The following UNC79 variants were observed in gnomAD, a reference collection of about 807,000 sequenced individuals.
The protein encoded by UNC79 is protein unc-79 homolog.
A neutral mutation model predicts 283.1 loss-of-function variants in UNC79; 37 were observed. The observed-to-expected ratio is 0.13, with a 90% CI of 0.10 to 0.17. The LOEUF (loss-of-function observed/expected upper bound fraction) is 0.17. UNC79 is among the 10% of genes least tolerant of loss of function. The pLI is 1.00. For missense variants in UNC79, 2,272 were observed against 3,211.1 expected (o/e 0.71, Z 7.07); for synonymous variants, 1,107 against 1,200.2 (o/e 0.92, Z 1.61).
intron 32 of UNC79, among the ~76,000 whole-genome samples, chr14:93,640,042 T>TTG (rs1341243563): frequency 6.6e-6 from 1 of 152,226 alleles, no homozygotes; most frequent in East Asian, 1.9e-4. Flanking sequence ...AGTTATTACT[T>TTG]TGTAGAACAT....
At chr14:93,334,955 C>T (rs2053544758) in intron 1 of UNC79, 2 of 152,062 alleles carry the variant, frequency 1.3e-5, no homozygotes, top group African/African-American at 4.8e-5. Context: ...AAGATCAGTC[C>T]CCACTGTTTA....
At chr14:93,606,515 G>T (rs983758303) in intron 26 of UNC79, among the ~76,000 whole-genome samples, 5 of 152,190 alleles carry the variant, frequency 3.3e-5, no homozygotes, top group African/African-American at 1.2e-4. Flanking sequence ...TCGTAAGATT[G>T]TGGAGAATGG....
chr14:93,635,196 A>G (rs1276573807), intron 31 of UNC79, among the ~76,000 whole-genome samples: 1 of 152,188 alleles, frequency 6.6e-6, no homozygotes, highest in African/African-American at 2.4e-5. Flanking sequence ...CTGCCATGAC[A>G]TGTCTATTCT....
intron 4 of UNC79, among the ~76,000 whole-genome samples, chr14:93,479,716 C>A (rs996323183): frequency 6.6e-6 from 1 of 152,138 alleles, no homozygotes; most frequent in Non-Finnish European, 1.5e-5. Flanking sequence ...CTCACTGCAG[C>A]CTCAAACTCC....
chr14:93,598,001 T>C (rs2065196595), intron 24 of UNC79, among the ~76,000 whole-genome samples: 1 of 152,210 alleles, frequency 6.6e-6, no homozygotes. Context: ...TTGTTATTTG[T>C]TGATGCCACT....
intron 47 of UNC79, among the ~76,000 whole-genome samples, chr14:93,704,338 C>T (rs1281340384): frequency 9.9e-5 from 15 of 152,168 alleles, no homozygotes; most frequent in Admixed American, 9.8e-4. Flanking sequence ...AATAAATACA[C>T]ATTTAATTTC....
intron 4 of UNC79, among the ~76,000 whole-genome samples, chr14:93,483,537 T>C (rs1338943938): frequency 6.6e-6 from 1 of 151,784 alleles, no homozygotes; most frequent in Non-Finnish European, 1.5e-5. Context: ...TTTTTTTTAA[T>C]TATACTTTAA....
chr14:93,670,559 T>G (rs1245012164), intron 40 of UNC79, among the ~76,000 whole-genome samples: 1 of 152,232 alleles, frequency 6.6e-6, no homozygotes, highest in Non-Finnish European at 1.5e-5. Context: ...CCATGCCTTC[T>G]CTGGGCATGC....
At chr14:93,445,050 A>G (rs1037089298) in intron 1 of UNC79, among the ~76,000 whole-genome samples, 1 of 152,070 alleles carries the variant, frequency 6.6e-6, no homozygotes, top group East Asian at 1.9e-4. Flanking sequence ...TTTATTCCTA[A>G]GTATTTTTGT....
exon 30 of UNC79, chr14:93,622,098 C>A (rs753100447): frequency 2.5e-6 from 4 of 1,614,170 alleles, no homozygotes; most frequent in Non-Finnish European, 2.5e-6. Flanking sequence ...GAAAAACACT[C>A]TATACTCTCA....
At chr14:93,443,041 TG>T (rs1216752841) in intron 1 of UNC79, among the ~76,000 whole-genome samples, 6 of 152,038 alleles carry the variant, frequency 3.9e-5, no homozygotes, top group African/African-American at 1.4e-4. Flanking sequence ...CTGGCCAACA[TG>T]GCAAAACCCT....
At chr14:93,616,770 G>T (rs561909202) in intron 27 of UNC79, among the ~76,000 whole-genome samples, 1 of 152,082 alleles carries the variant, frequency 6.6e-6, no homozygotes, top group Non-Finnish European at 1.5e-5. Context: ...AGTATTGCCG[G>T]TCGTCTAGGA....
chr14:93,581,644 C>T (rs145932510), intron 19 of UNC79, among the ~76,000 whole-genome samples: 3,297 of 152,018 alleles, frequency 0.022, 51 homozygotes, highest in Non-Finnish European at 0.03. Flanking sequence ...CAGGCATGTG[C>T]CACCACGCCC....
At chr14:93,703,130 A>G (rs1488890140) in intron 47 of UNC79, among the ~76,000 whole-genome samples, 4 of 152,162 alleles carry the variant, frequency 2.6e-5, no homozygotes, top group Admixed American at 2.6e-4. Flanking sequence ...CTCACATGTC[A>G]GCATCACGTG....
intron 6 of UNC79, 152 bp from the exon 7 acceptor site, chr14:93,497,005 C>G: frequency 1.3e-6 from 1 of 784,904 alleles, no homozygotes; most frequent in Non-Finnish European, 2.0e-6. Flanking sequence ...TTGACGTGAT[C>G]TAATCTATGA....
At chr14:93,602,422 C>T (rs767460803) in intron 25 of UNC79, among the ~76,000 whole-genome samples, 13 of 152,114 alleles carry the variant, frequency 8.5e-5, no homozygotes, top group Non-Finnish European at 1.6e-4. Flanking sequence ...AAGTATTTAG[C>T]TTTGTTTTTG....
intron 14 of UNC79, among the ~76,000 whole-genome samples, chr14:93,568,345 T>TAG (rs2063018822): frequency 6.6e-6 from 1 of 152,044 alleles, no homozygotes; most frequent in African/African-American, 2.4e-5. Context: ...CAGACACAAA[T>TAG]AGAGACCTTA....
chr14:93,412,140 C>T (rs1248050885), intron 1 of UNC79, among the ~76,000 whole-genome samples: 1 of 152,094 alleles, frequency 6.6e-6, no homozygotes, highest in Non-Finnish European at 1.5e-5. Flanking sequence ...ATGCAATTGA[C>T]ATACTGAAGA....
chr14:93,347,976 G>A, intron 1 of UNC79: 1 of 1,105,842 alleles, frequency 9.0e-7, no homozygotes, highest in East Asian at 2.4e-5. Context: ...TAGGCAGCAA[G>A]TCACTGGCCT....
Sources: allele counts gnomAD v4.1 joint callset (sites outside exome capture counted in the v4.1 genomes callset), GRCh38; gene constraint gnomAD v4.1.1; transcripts MANE v1.5; gene names NCBI Gene and HGNC (gene_info 2026-07-23, HGNC 2026-07-21).